Variants in ZNF81 observed in about 807,000 individuals in gnomAD.
The protein encoded by ZNF81 is zinc finger protein 81.
In ZNF81, 5 loss-of-function variants were observed where a neutral mutation model predicts 32.3. That is an observed-to-expected ratio of 0.15 (90% CI 0.08 to 0.33). ZNF81 has a LOEUF of 0.33. Among genes scored for constraint, ZNF81 ranks in the 10% least tolerant of loss-of-function variants. The probability of loss-of-function intolerance (pLI) is 1.00; values close to 1 mark genes in which losing one functional copy is unlikely to be tolerated. For missense variants in ZNF81, 379 were observed against 479.8 expected (o/e 0.79, Z 1.96); for synonymous variants, 163 against 166.8 (o/e 0.98, Z 0.17).
In ZNF81 at chrX:47,917,088, T is replaced by A. The variant is rs183606613; in HGVS notation, c.*456T>A. On this transcript the variant is annotated 3_prime_UTR_variant, in exon 5 of 5. Transcript: ENST00000338637. ...TAGACCTACTTTCAGTTCCATAGGG[T>A]GTTTGTGGCAGAACACAGTGCAGAA... 7.8e-5 allele frequency: 22 copies of A among 283,553 alleles called. No individual in the cohort carries two copies. The East Asian group carries it at 1.0e-3, about 13-fold the overall frequency. The allele number at this position is 283,553 out of a possible 1,213,427, so 23.4% of individuals were successfully genotyped here.
intron 4 of ZNF81, among the ~76,000 whole-genome samples, chrX:47,898,062 C>A (rs2058685780): frequency 9.0e-6 from 1 of 111,169 alleles, no homozygotes; most frequent in Non-Finnish European, 1.9e-5. Flanking sequence ...AAGCATAGGC[C>A]AGAGCCTTTA....
chrX:47,848,717 C>A (rs1203346329), intron 2 of ZNF81, among the ~76,000 whole-genome samples: 2 of 110,068 alleles, frequency 1.8e-5, no homozygotes, highest in African/African-American at 3.3e-5. Context: ...ACATGACATT[C>A]AAAGGAAATG....
Position 47,920,121 on chromosome X carries a change from TTGTTGCCAG to T in ZNF81, c.*3494_*3502del, listed in dbSNP as rs1393788002. ...GGAGTTGGGCTGAGTTTGTGTTTCT[TTGTTGCCAG>T]TGTTACCTTTGCTGTACCATAGACT... On this transcript the variant is annotated 3_prime_UTR_variant, in exon 5 of 5. Coordinates refer to ENST00000338637, the MANE Select transcript of ZNF81 (RefSeq NM_007137.5). 8.9e-6 allele frequency: 1 copy of T among 112,080 alleles called. No individual in the cohort carries two copies. Among genetic ancestry groups the T allele is most frequent in the African/African-American group, 3.2e-5 (1 of 30,770 alleles). 9.2% of individuals were successfully genotyped at this position (112,080 alleles called of 1,213,427 possible).
At position 47,846,087 on chromosome X, in the gene ZNF81, T is replaced by C. The variant is rs139662641; in HGVS notation, c.-163-18T>C. On this transcript the variant is annotated intron_variant, in intron 1 of 4. Coordinates refer to ENST00000338637, the MANE Select transcript of ZNF81 (RefSeq NM_007137.5). ...TAAGTGCTATCTGCCTCTGATCATA[T>C]GGACACTGTCTTTCCAGAGTTCTTG... 9,085 of 538,097 alleles carry C rather than the reference T, an allele frequency of 0.017. 396 individuals carry two copies. Among genetic ancestry groups the C allele is most frequent in the East Asian group, 0.14 (3,780 of 27,162 alleles). 44.3% of individuals were successfully genotyped at this position (538,097 alleles called of 1,213,427 possible).
rs192045362 is a variant in ZNF81 at position 47,857,680 on chromosome X, A to G, written c.54+11359A>G. ...TGGGCCATTCTCACAAGCATGCAAC[A>G]TGCAGAAATATTTTCCATCTGAAAA... On this transcript the variant is annotated intron_variant, in intron 2 of 4. Transcript: ENST00000338637. Among the ~76,000 whole-genome samples, 12 of 111,283 alleles carry G rather than the reference A, an allele frequency of 1.1e-4. No individual in the cohort carries two copies. In the East Asian group the frequency reaches 3.4e-3, roughly 31 times the overall value.
chrX:47,897,400 T>G (rs950523787), intron 4 of ZNF81, among the ~76,000 whole-genome samples: 1 of 112,537 alleles, frequency 8.9e-6, no homozygotes, highest in East Asian at 2.8e-4. Context: ...TCTCATTTTT[T>G]AATCAGGTTG....
intron 2 of ZNF81, among the ~76,000 whole-genome samples, chrX:47,850,311 A>G (rs1403952429): frequency 4.8e-5 from 5 of 104,125 alleles, no homozygotes; most frequent in Non-Finnish European, 7.8e-5. Context: ...CCAGGAGTTC[A>G]AGACCAGCCT....
intron 4 of ZNF81, among the ~76,000 whole-genome samples, chrX:47,899,971 G>A (rs782296312): frequency 9.0e-6 from 1 of 111,106 alleles, no homozygotes; most frequent in Admixed American, 9.6e-5. Context: ...GTTGTTGATG[G>A]GTACAGTGTT....
At chrX:47,895,805 A>G in intron 3 of ZNF81, 40 bp from the exon 4 acceptor site, 1 of 1,035,805 alleles carries the variant, frequency 9.7e-7, no homozygotes, top group Non-Finnish European at 1.4e-6. Context: ...AATGGAAAGC[A>G]ATTTGCTGGA....
At position 47,915,862 on chromosome X, in the gene ZNF81, A is replaced by C. The variant is rs781972062; in HGVS notation, c.1216A>C (p.Lys406Gln). The change falls in exon 5 of 5, where the codon AAA becomes CAA. Residue 406 changes from lysine to glutamine, a missense_variant. Coordinates refer to ENST00000338637, the MANE Select transcript of ZNF81 (RefSeq NM_007137.5). ...SLNSALNIHQ[K>Q]IHTGERHHKC... ...GAACTCAGCCCTCAATATACATCAG[A>C]AAATTCACACTGGAGAGAGACATCA... 2.5e-6 allele frequency: 3 copies of C among 1,208,533 alleles called. No homozygotes were observed. In the Admixed American group the frequency reaches 6.6e-5, roughly 27 times the overall value.
At chrX:47,894,608 T>C (rs782494620) in intron 3 of ZNF81, among the ~76,000 whole-genome samples, 1 of 111,479 alleles carries the variant, frequency 9.0e-6, no homozygotes, top group East Asian at 2.8e-4. Flanking sequence ...CAGAGACAGG[T>C]AGCAAAAATT....
At chrX:47,908,326 G>A (rs1256346659) in intron 4 of ZNF81, among the ~76,000 whole-genome samples, 2 of 110,893 alleles carry the variant, frequency 1.8e-5, no homozygotes, top group African/African-American at 6.5e-5. Flanking sequence ...ACCACAATGT[G>A]GCAGCCCTAC....
At position 47,915,061 on chromosome X, in the gene ZNF81, A is replaced by G. The variant is rs782669044; in HGVS notation, c.415A>G (p.Ile139Val). The G allele has an allele frequency of 8.3e-7, 1 of 1,209,696 alleles. No individual in the cohort carries two copies. The highest frequency in any genetic ancestry group is 1.8e-5 in the South Asian group (1 of 56,327). The change falls in exon 5 of 5, where the codon ATA (isoleucine) becomes GTA (valine). Residue 139 changes from isoleucine (I) to valine (V), a missense_variant. Ile to Val is a conservative substitution (Grantham distance 29). This residue lies in a region of ZNF81 where 277 missense variants were observed against 306.6 expected (regional missense o/e 0.90). Transcript: ENST00000338637. ...LEELWQDAEQ[I>V]KRCQEKHNKL... ...AGAATTGTGGCAAGATGCTGAACAG[A>G]TAAAGAGATGTCAGGAAAAACACAA...
chrX:47,846,370 T>C (rs1556880516), intron 2 of ZNF81, 49 bp downstream of exon 2: 1 of 1,172,132 alleles, frequency 8.5e-7, no homozygotes. Context: ...TCCACAGCCC[T>C]GAAGGAAAGA....
At chrX:47,914,892 G>A (rs1172069711) in intron 4 of ZNF81, 32 bp from the exon 5 acceptor site, 3 of 1,190,287 alleles carry the variant, frequency 2.5e-6, no homozygotes, top group Non-Finnish European at 3.4e-6. Context: ...TCTATTGTTT[G>A]TGTCAATTTT....
chrX:47,899,960 A>T (rs1349892272), intron 4 of ZNF81, among the ~76,000 whole-genome samples: 4 of 111,447 alleles, frequency 3.6e-5, no homozygotes, highest in African/African-American at 9.8e-5. Flanking sequence ...ATGTATGTTC[A>T]GTTGTTGATG....
At chrX:47,909,264 T>G (rs1556889552) in intron 4 of ZNF81, among the ~76,000 whole-genome samples, 1 of 112,228 alleles carries the variant, frequency 8.9e-6, no homozygotes, top group Non-Finnish European at 1.9e-5. Flanking sequence ...TTTCTTATCT[T>G]GTGGCCAATA....
In ZNF81 at chrX:47,916,213, G is replaced by C; in HGVS notation, c.1567G>C (p.Glu523Gln). Residue 523 changes from glutamate (E) to glutamine (Q), a missense_variant, in exon 5 of 5, where the codon GAA (glutamate) becomes CAA (glutamine). Glu to Gln is a conservative substitution (Grantham distance 29). Transcript: ENST00000338637. ...LNTHQKSHTG[E>Q]KSYICAECGK... is the part of the protein sequence containing the mutation. Reference sequence around the variant, plus strand: ...TACTCACCAGAAGTCTCATACTGGAGAAAAGTCTTATATATGTGCTGAATG... The same window carrying C: ...TACTCACCAGAAGTCTCATACTGGACAAAAGTCTTATATATGTGCTGAATG... 1 of 1,211,688 alleles carries C rather than the reference G, an allele frequency of 8.3e-7. No homozygotes were observed. The highest frequency in any genetic ancestry group is 3.0e-5 in the East Asian group (1 of 33,838).
At chrX:47,840,364 G>A (rs1285029800) in intron 1 of ZNF81, among the ~76,000 whole-genome samples, 45 of 107,835 alleles carry the variant, frequency 4.2e-4, no homozygotes, top group African/African-American at 1.3e-3. Flanking sequence ...TCCTTCCTCC[G>A]TGGAATGTGC....
Sources: gnomAD v4.1 joint callset for allele counts (sites outside exome capture counted in the v4.1 genomes callset) on GRCh38, gnomAD v4.1.1 for gene constraint, gnomAD v4.1.1 regional missense constraint, MANE v1.5 for transcripts, NCBI Gene and HGNC (gene_info 2026-07-23, HGNC 2026-07-21) for gene names.